The following PRIM2 variants were observed in gnomAD, a reference collection of about 807,000 sequenced individuals.
PRIM2 encodes the protein DNA primase subunit 2.
In PRIM2, 39 loss-of-function variants were observed where a neutral mutation model predicts 67.3. The ratio of observed to expected loss-of-function variants is 0.58; its 90% CI spans 0.45 to 0.76. The LOEUF (loss-of-function observed/expected upper bound fraction) is 0.76, where lower values mean the gene tolerates loss of function less well. Among genes scored for constraint, PRIM2 ranks in the 30% least tolerant of loss-of-function variants. PRIM2 has a pLI of 0.00. For missense variants in PRIM2, 398 were observed against 598.7 expected (o/e 0.66, Z 3.50); for synonymous variants, 143 against 198.7 (o/e 0.72, Z 2.36).
chr6:57,526,277 T>G (rs1319780182), intron 8 of PRIM2, among the ~76,000 whole-genome samples: 8 of 152,220 alleles, frequency 5.3e-5, no homozygotes, highest in African/African-American at 1.7e-4. Context: ...TTGAGAAAAC[T>G]GATATTTCAC....
intron 12 of PRIM2, among the ~76,000 whole-genome samples, chr6:57,613,835 TTTTA>T (rs1395180319): frequency 4.6e-5 from 7 of 152,138 alleles, no homozygotes; most frequent in Non-Finnish European, 8.8e-5. Context: ...TACTCTTTTT[TTTTA>T]TTTATTTTTA....
intron 7 of PRIM2, among the ~76,000 whole-genome samples, chr6:57,478,922 G>A (rs1303680401): frequency 1.3e-5 from 2 of 152,202 alleles, no homozygotes; most frequent in African/African-American, 4.8e-5. Context: ...CAAGGTGGGC[G>A]AATCACCTGA....
At chr6:57,320,606 A>G in intron 3 of PRIM2, 46 bp downstream of exon 3, 1 of 1,194,548 alleles carries the variant, frequency 8.4e-7, no homozygotes, top group Non-Finnish European at 1.2e-6. Context: ...CTATGCATTT[A>G]TGTATTGAGT....
chr6:57,576,790 G>A (rs1775970888), intron 10 of PRIM2, among the ~76,000 whole-genome samples: 2 of 128,412 alleles, frequency 1.6e-5, no homozygotes, highest in Admixed American at 1.4e-4. Flanking sequence ...GTTGCAAATT[G>A]CAAGGAAAAA....
intron 10 of PRIM2, among the ~76,000 whole-genome samples, chr6:57,567,999 C>T (rs1775782298): frequency 1.3e-5 from 2 of 152,006 alleles, no homozygotes; most frequent in Non-Finnish European, 2.9e-5. Flanking sequence ...ATAGGCATTT[C>T]TTCTCTGATT....
chr6:57,343,617 G>A (rs1768571798), intron 5 of PRIM2, among the ~76,000 whole-genome samples: 1 of 151,954 alleles, frequency 6.6e-6, no homozygotes, highest in Non-Finnish European at 1.5e-5. Context: ...GCAAGCCGTT[G>A]ACTATGACAG....
chr6:57,590,511 C>T lies in PRIM2; in HGVS notation c.1021-10582C>T, dbSNP rs1488334618. 3.3e-5 allele frequency among the ~76,000 whole-genome samples: 5 copies of T among 152,204 alleles called. No homozygotes were observed. The East Asian group carries it at 9.7e-4, about 29-fold the overall frequency. On this transcript the variant is annotated intron_variant, in intron 10 of 13. Transcript: ENST00000615550. The stretch of plus-strand genomic sequence containing the variant: ...ATGGGGGTCAGTGGATGAAAAATTA[C>T]TAAGAGGAAATAAACGTCACGGGTA...
chr6:57,350,164 A>C (rs952898048), intron 5 of PRIM2, among the ~76,000 whole-genome samples: 3 of 152,134 alleles, frequency 2.0e-5, no homozygotes, highest in African/African-American at 7.2e-5. Flanking sequence ...GGGGATATTC[A>C]GTTCTTTCTA....
chr6:57,517,086 A>G (rs1411529102), intron 8 of PRIM2, among the ~76,000 whole-genome samples: 1 of 152,204 alleles, frequency 6.6e-6, no homozygotes, highest in African/African-American at 2.4e-5. Context: ...CCTTGTATGT[A>G]TGCAGTAAGT....
intron 12 of PRIM2, among the ~76,000 whole-genome samples, chr6:57,619,096 G>A (rs1363749109): frequency 1.3e-5 from 2 of 152,196 alleles, no homozygotes; most frequent in Admixed American, 6.5e-5. Flanking sequence ...TCACATCACA[G>A]GACTGTGCAG....
intron 12 of PRIM2, among the ~76,000 whole-genome samples, chr6:57,612,295 AG>A (rs1273192048): frequency 6.6e-6 from 1 of 152,246 alleles, no homozygotes; most frequent in Non-Finnish European, 1.5e-5. Flanking sequence ...AAGTGTTTAT[AG>A]TGTAGGCATT....
At chr6:57,449,457 T>C (rs1772467749) in intron 7 of PRIM2, among the ~76,000 whole-genome samples, 1 of 152,182 alleles carries the variant, frequency 6.6e-6, no homozygotes, top group African/African-American at 2.4e-5. Context: ...TTATTTTATG[T>C]AAATACATCC....
chr6:57,557,388 T>C (rs1311997413), intron 10 of PRIM2, among the ~76,000 whole-genome samples: 2 of 152,130 alleles, frequency 1.3e-5, no homozygotes, highest in African/African-American at 4.8e-5. Context: ...CAGTGACAGA[T>C]TGGGTAAAGA....
At chr6:57,281,997 A>C in the PRIM2 span, among the ~76,000 whole-genome samples, 4 of 152,196 alleles carry the variant, frequency 2.6e-5, no homozygotes, top group Non-Finnish European at 5.9e-5. Context: ...CAGATTGACC[A>C]AGGAAAATAC....
intron 5 of PRIM2, among the ~76,000 whole-genome samples, chr6:57,373,079 G>A (rs10807522): frequency 3.3e-4 from 50 of 152,244 alleles, no homozygotes; most frequent in East Asian, 3.1e-3. Context: ...TCTTCCACCA[G>A]CAGTGTAAAA....
chr6:57,422,920 A>G (rs1373941799), intron 7 of PRIM2, among the ~76,000 whole-genome samples: 3 of 152,212 alleles, frequency 2.0e-5, no homozygotes, highest in Non-Finnish European at 2.9e-5. Flanking sequence ...GAAATTTTAA[A>G]TAATGGAGGT....
chr6:57,509,585 T>TA (rs1774319570), intron 8 of PRIM2, among the ~76,000 whole-genome samples: 1 of 152,102 alleles, frequency 6.6e-6, no homozygotes, highest in African/African-American at 2.4e-5. Context: ...TAGCCTGGCA[T>TA]AAGAGGTCCT....
At chr6:57,491,477 T>C (rs2127410137) in intron 7 of PRIM2, among the ~76,000 whole-genome samples, 1 of 152,338 alleles carries the variant, frequency 6.6e-6, no homozygotes, top group African/African-American at 2.4e-5. Context: ...TTGGGAGAAG[T>C]GACTAGCATT....
At chr6:57,448,397 T>A (rs1772430450) in intron 7 of PRIM2, among the ~76,000 whole-genome samples, 2 of 152,192 alleles carry the variant, frequency 1.3e-5, no homozygotes, top group African/African-American at 4.8e-5. Context: ...AATGCATTGT[T>A]AATGGAATAC....
Sources: allele counts gnomAD v4.1 joint callset (sites outside exome capture counted in the v4.1 genomes callset), GRCh38; gene constraint gnomAD v4.1.1; transcripts MANE v1.5; gene names NCBI Gene and HGNC (gene_info 2026-07-23, HGNC 2026-07-21).